Variants in WDR87 observed in about 807,000 individuals in gnomAD.
WDR87 encodes WD repeat-containing protein 87.
In WDR87, 56 loss-of-function variants were observed where a neutral mutation model predicts 83.3. The ratio of observed to expected loss-of-function variants is 0.67; its 90% CI spans 0.54 to 0.84. The LOEUF (loss-of-function observed/expected upper bound fraction) is 0.84. Ranked by LOEUF, WDR87 falls within the 40% of genes least tolerant of loss-of-function variation. The pLI is 0.00. For missense variants in WDR87, 2,939 were observed against 3,431.9 expected, an observed-to-expected ratio of 0.86 and a Z score of 3.59; for synonymous variants, 1,173 against 1,250.6, an observed-to-expected ratio of 0.94 and a Z score of 1.31.
chr19:37,895,278 G>A lies in WDR87; in HGVS notation c.425C>T (p.Pro142Leu). Residue 142 changes from proline (P) to leucine (L), a missense_variant, in exon 4 of 6, where the codon CCC becomes CTC. Pro to Leu is a moderately conservative substitution (Grantham distance 98). This residue lies in a region of WDR87 where 226 missense variants were observed against 320.9 expected (regional missense o/e 0.70). Coordinates refer to ENST00000447313, the MANE Select transcript of WDR87 (RefSeq NM_001291088.2). ...LFGDHFRAFK[P>L]LGKVPCRFNI... ...GAAGCGGCAGGGCACTTTACCCAGG[G>A]GTTTGAATGCCCGAAAGTGGTCCCC... 1 of 1,551,676 alleles carries A rather than the reference G, an allele frequency of 6.4e-7. No homozygotes were observed. The highest frequency in any genetic ancestry group is 1.4e-5 in the African/African-American group (1 of 73,146).
chr19:37,897,268 C>A (rs2046263566), intron 2 of WDR87, among the ~76,000 whole-genome samples: 1 of 136,328 alleles, frequency 7.3e-6, no homozygotes, highest in Admixed American at 8.1e-5. Context: ...AGTGCAGTGG[C>A]CTGATTTCGG....
At chr19:37,903,073 G>A (rs1390490370) in intron 1 of WDR87, among the ~76,000 whole-genome samples, 1 of 152,212 alleles carries the variant, frequency 6.6e-6, no homozygotes, top group Non-Finnish European at 1.5e-5. Flanking sequence ...CATATAACGA[G>A]GAGACCTGGC....
rs1280151993 is a variant in WDR87 at position 37,884,922 on chromosome 19, C to G, written c.*10G>C. On this transcript the variant is annotated 3_prime_UTR_variant, in exon 6 of 6. Transcript: ENST00000447313. ...GCAATGAAAAGTCCCAGCCTCCAGT[C>G]AGTCCCAAATTAGAGAGTGGGAGCA... 6 of 1,284,462 alleles carry G rather than the reference C, an allele frequency of 4.7e-6. No individual in the cohort carries two copies. The highest frequency in any genetic ancestry group is 3.4e-5 in the South Asian group (1 of 29,304). The allele number at this position is 1,284,462 out of a possible 1,614,324, so 79.6% of individuals were successfully genotyped here.
chr19:37,906,345 CCCTGGG>C (rs1236717412), intron 1 of WDR87, among the ~76,000 whole-genome samples, 148 bp downstream of exon 1: 8 of 152,268 alleles, frequency 5.3e-5, no homozygotes, highest in Admixed American at 5.2e-4. Context: ...CCTAGGCAGC[CCCTGGG>C]TCTTGTGGCT....
At chr19:37,900,577 A>AAAAAAAAAAAAAAAAAAAAAAAAAAAC (rs2046287435) in intron 1 of WDR87, among the ~76,000 whole-genome samples, 1 of 151,200 alleles carries the variant, frequency 6.6e-6, no homozygotes, top group Non-Finnish European at 1.5e-5. Context: ...AAAAAAAAAA[A>AAAAAAAAAAAAAAAAAAAAAAAAAAAC]AAGACCCAAT....
rs1473244270 is a variant in WDR87, at chr19:37,888,694, G to T, written c.4977C>A (p.Tyr1659Ter). 1 of 1,549,250 alleles carries T rather than the reference G, an allele frequency of 6.5e-7. No homozygotes were observed. The highest frequency in any genetic ancestry group is 1.4e-5 in the African/African-American group (1 of 72,150). Residue 1659 changes from tyrosine (Y) to a stop codon, truncating the protein, a stop_gained, in exon 6 of 6, where the codon TAC becomes TAA. Transcript: ENST00000447313. LOFTEE classifies it low-confidence loss of function (END_TRUNC). ...AQEERKLAQA[Y>*]VKITQDDREM... ...CCCTGTCATCCTGGGTTATTTTCAC[G>T]TATGCCTGGGCCAGTTTTCTCTCTT...
intron 1 of WDR87, among the ~76,000 whole-genome samples, chr19:37,900,962 CAAAAAAAAAAAAAA>C (rs878938966): frequency 6.8e-5 from 2 of 29,512 alleles, no homozygotes; most frequent in African/African-American, 9.0e-5. Flanking sequence ...CCTGTCTCTA[CAAAAAAAAAAAAAA>C]AAAAAAAAAA....
rs1395794816 is a variant in WDR87 at position 37,898,272 on chromosome 19, T to G, written c.-33A>C. The G allele has an allele frequency of 1.3e-6, 2 of 1,546,560 alleles. No individual in the cohort carries two copies. Among genetic ancestry groups the G allele is most frequent in the African/African-American group, 1.4e-5 (1 of 72,784 alleles). On this transcript the variant is annotated 5_prime_UTR_variant, in exon 2 of 6. Coordinates refer to ENST00000447313, the MANE Select transcript of WDR87 (RefSeq NM_001291088.2). ...AGACTCCCTTGGCCCTCCTGAGGAC[T>G]GTTGCTTAAAAACCTGTGGGAATCC...
Position 37,886,582 on chromosome 19 carries a change from C to G in WDR87, c.7089G>C (p.Glu2363Asp). The G allele has an allele frequency of 6.6e-7, 1 of 1,520,448 alleles. No homozygotes were observed. The highest frequency in any genetic ancestry group is 1.4e-5 in the African/African-American group (1 of 71,352). 94.2% of individuals were successfully genotyped at this position (1,520,448 alleles called of 1,614,324 possible). ...ATGAGCAGCTCTCCTCTTCCTCTTC[C>G]TCGTCACTCAAACTTTCTGTCTCTT... The part of the protein sequence containing the change: ...SEEETESLSD[E>D]EEEEESCSLE... Residue 2363 changes from glutamate (E) to aspartate (D), a missense_variant, in exon 6 of 6, where the codon GAG becomes GAC. Coordinates refer to ENST00000447313, the MANE Select transcript of WDR87 (RefSeq NM_001291088.2).
Position 37,886,091 on chromosome 19 carries a change from C to T in WDR87, c.7580G>A (p.Trp2527Ter), listed in dbSNP as rs2046142133. Residue 2527 changes from tryptophan to a stop codon, truncating the protein, a stop_gained, in exon 6 of 6, where the codon TGG becomes TAG. Coordinates refer to ENST00000447313, the MANE Select transcript of WDR87 (RefSeq NM_001291088.2). LOFTEE classifies it low-confidence loss of function (END_TRUNC). Reference protein sequence around the residue: ...EELQHKPLGAWWKWFLQHPPL... With the variant: ...EELQHKPLGA ...TGGATGCTGCAAAAACCACTTCCAC[C>T]AGGCACCTAGTGGTTTGTGTTGGAG... The T allele has an allele frequency of 1.9e-6, 3 of 1,551,712 alleles. No individual in the cohort carries two copies. Among genetic ancestry groups the T allele is most frequent in the Non-Finnish European group, 2.6e-6 (3 of 1,147,002 alleles).
At chr19:37,897,360 T>C in intron 2 of WDR87, among the ~76,000 whole-genome samples, 1 of 151,674 alleles carries the variant, frequency 6.6e-6, no homozygotes, top group Admixed American at 6.6e-5. Context: ...AGGCACGGGC[T>C]ACCACACCCG....
rs1568450850 is a variant in WDR87, at chr19:37,889,691, T to G, written c.3980A>C (p.Gln1327Pro). Residue 1327 changes from glutamine (Q) to proline (P), a missense_variant, in exon 6 of 6, where the codon CAG becomes CCG. Around this residue, in one of 3 missense-constraint regions of WDR87, gnomAD observed 2,160 missense variants for 2,533.1 expected, o/e 0.85. Transcript: ENST00000447313. ...TTTCTTCAATAGGGGGCAGATCTCC[T>G]GAAAGAGTTCCCAGCTGGGGTGCCT... ...VDRHPSWELF[Q>P]EICPLLKKES... 6.4e-7 allele frequency: 1 copy of G among 1,551,744 alleles called. No homozygotes were observed.
rs866076390 is a variant in WDR87, at chr19:37,893,261, C to T, written c.2442G>A (p.Arg814=). 1.3e-6 allele frequency: 2 copies of T among 1,551,684 alleles called. No homozygotes were observed. The highest frequency in any genetic ancestry group is 2.4e-5 in the East Asian group (1 of 40,936). Residue 814 remains arginine, a synonymous_variant, in exon 4 of 6, where the codon CGG becomes CGA. Transcript: ENST00000447313. ...AGCAGTCAGGGGCAAAAAGCCATTC[C>T]CGCCCATGACCAAAGTAGTATCGCA... ...QILRYYFGHG[R]EWLFAPDCYI...
Position 37,887,978 on chromosome 19 carries a change from T to A in WDR87, c.5693A>T (p.Asn1898Ile), listed in dbSNP as rs1487621274. The change falls in exon 6 of 6, where the codon AAC (asparagine) becomes ATC (isoleucine). Residue 1898 changes from asparagine to isoleucine, a missense_variant. Physicochemically the swap from Asn to Ile is moderately radical, Grantham distance 149. Around this residue, in one of 3 missense-constraint regions of WDR87, gnomAD observed 2,160 missense variants for 2,533.1 expected, o/e 0.85. Transcript: ENST00000447313. Reference protein sequence around the residue: ...EKEKLAQRKENLLYNKERLTH... With the variant: ...EKEKLAQRKEILLYNKERLTH... ...GAGTCTTTCTTTATTATAGAGTAGGTTCTCTTTCCTCTGAGCCAATTTTTC... is the reference window on the plus strand; with the variant it reads ...GAGTCTTTCTTTATTATAGAGTAGGATCTCTTTCCTCTGAGCCAATTTTTC... 1.3e-6 allele frequency: 2 copies of A among 1,550,190 alleles called. No homozygotes were observed. The highest frequency in any genetic ancestry group is 1.7e-6 in the Non-Finnish European group (2 of 1,146,786).
At chr19:37,902,602 C>T (rs184774371) in intron 1 of WDR87, among the ~76,000 whole-genome samples, 25 of 152,294 alleles carry the variant, frequency 1.6e-4, no homozygotes, top group Admixed American at 1.2e-3. Flanking sequence ...TATTTGGGAC[C>T]AACGCATGTT....
chr19:37,899,653 G>T (rs1345620007), intron 1 of WDR87, among the ~76,000 whole-genome samples: 1 of 151,864 alleles, frequency 6.6e-6, no homozygotes, highest in Non-Finnish European at 1.5e-5. Flanking sequence ...TCACTATGTT[G>T]CCCAGGCTGG....
chr19:37,892,287 G>A (rs149469696), intron 4 of WDR87, among the ~76,000 whole-genome samples: 5 of 152,244 alleles, frequency 3.3e-5, no homozygotes, highest in East Asian at 1.9e-4. Flanking sequence ...AGAAGGCTAC[G>A]GCAGGAGGAT....
Position 37,886,759 on chromosome 19 carries a change from C to CTCCTCCCTTTCCTCTTCT in WDR87, c.6911_6912insAGAAGAGGAAAGGGAGGA (p.Glu2303_Arg2308dup). ...CCTCCTCCTCCTTCCTTTCCTCCTC[C>CTCCTCCCTTTCCTCTTCT]TCCTCCCTTTCCTCCTCCTCCTCCC... On this transcript the variant is annotated inframe_insertion, in exon 6 of 6. Transcript: ENST00000447313. 7.5e-7 allele frequency: 1 copy of CTCCTCCCTTTCCTCTTCT among 1,337,566 alleles called. No homozygotes were observed. Among genetic ancestry groups the CTCCTCCCTTTCCTCTTCT allele is most frequent in the Non-Finnish European group, 1.0e-6 (1 of 981,740 alleles). 82.9% of individuals were successfully genotyped at this position (1,337,566 alleles called of 1,614,324 possible).
Position 37,889,241 on chromosome 19 carries a change from T to C in WDR87, c.4430A>G (p.Glu1477Gly). Residue 1477 changes from glutamate (E) to glycine (G), a missense_variant, in exon 6 of 6, where the codon GAG becomes GGG. Glu to Gly is a moderately conservative substitution (Grantham distance 98). Around this residue, in one of 3 missense-constraint regions of WDR87, gnomAD observed 2,160 missense variants for 2,533.1 expected, o/e 0.85. Coordinates refer to ENST00000447313, the MANE Select transcript of WDR87 (RefSeq NM_001291088.2). ...SEEVEEMATL[E>G]EKVVKQEGKL... ...TCCTTCTTGTTTGACCACTTTCTCC[T>C]CTAGTGTGGCCATTTCCTCCACTTC... 1 of 1,552,068 alleles carries C rather than the reference T, an allele frequency of 6.4e-7. No homozygotes were observed.
Sources: allele counts gnomAD v4.1 joint callset (sites outside exome capture counted in the v4.1 genomes callset), GRCh38; gene constraint gnomAD v4.1.1; regional missense constraint gnomAD v4.1.1; transcripts MANE v1.5; gene names NCBI Gene and HGNC (gene_info 2026-07-23, HGNC 2026-07-21).